P2RY6: variants seen among roughly 807,000 people sequenced by gnomAD.
The protein encoded by P2RY6 is P2Y purinoceptor 6.
P2RY6 carries 19 observed loss-of-function variants against 16.3 expected under a neutral mutation model. The ratio of observed to expected loss-of-function variants is 1.16; its 90% CI spans 0.81 to 1.71. The LOEUF (loss-of-function observed/expected upper bound fraction) is 1.71. P2RY6 is among the 40% of genes most tolerant of loss of function. The pLI is 0.00. For missense variants in P2RY6, 389 were observed against 455.5 expected, an observed-to-expected ratio of 0.85 and a Z score of 1.33; for synonymous variants, 184 against 201.5, an observed-to-expected ratio of 0.91 and a Z score of 0.74.
intron 1 of P2RY6, among the ~76,000 whole-genome samples, chr11:73,294,197 T>C (rs1238915210): frequency 1.3e-5 from 2 of 152,130 alleles, no homozygotes; most frequent in Non-Finnish European, 2.9e-5. Context: ...CTCATGGAAA[T>C]CCTCCTCAAC....
intron 1 of P2RY6, among the ~76,000 whole-genome samples, chr11:73,281,618 C>T (rs775699283): frequency 6.6e-6 from 1 of 152,242 alleles, no homozygotes; most frequent in Non-Finnish European, 1.5e-5. Flanking sequence ...GCCATTAGAA[C>T]TCCACCCCTC....
At chr11:73,272,533 A>G in intron 1 of P2RY6, 67 bp downstream of exon 1, 1 of 984,774 alleles carries the variant, frequency 1.0e-6, no homozygotes. Context: ...CTTCCTGAGT[A>G]ACTGCAGTCC....
rs543269630 is a variant in P2RY6 at position 73,287,819 on chromosome 11, C to A, written c.-120-7911C>A. Among the ~76,000 whole-genome samples, 31 of 152,312 alleles carry A rather than the reference C, an allele frequency of 2.0e-4. No individual in the cohort carries two copies. The East Asian group carries it at 4.4e-3, about 22-fold the overall frequency. On this transcript the variant is annotated intron_variant, in intron 1 of 2. Transcript: ENST00000540124. ...CTCCAGGGGAGAGTTTTTTAGGAGGCCCTGGGGATCTCCTGGAGCACTGGG... is the reference window on the plus strand; with the variant it reads ...CTCCAGGGGAGAGTTTTTTAGGAGGACCTGGGGATCTCCTGGAGCACTGGG...
intron 1 of P2RY6, among the ~76,000 whole-genome samples, chr11:73,267,028 AT>A (rs1863128658): frequency 6.6e-6 from 1 of 152,182 alleles, no homozygotes; most frequent in African/African-American, 2.4e-5. Flanking sequence ...TCTGGCTATA[AT>A]TGTTTATAAT....
chr11:73,290,152 G>A (rs931589016), intron 1 of P2RY6, among the ~76,000 whole-genome samples: 4 of 151,914 alleles, frequency 2.6e-5, no homozygotes, highest in African/African-American at 9.7e-5. Flanking sequence ...AACCTGGGAG[G>A]CGGAAGTTGC....
intron 1 of P2RY6, among the ~76,000 whole-genome samples, chr11:73,281,033 G>T (rs1177330363): frequency 6.6e-6 from 1 of 152,152 alleles, no homozygotes; most frequent in Non-Finnish European, 1.5e-5. Context: ...TGGGGTGAGA[G>T]AAGAGGAGTT....
chr11:73,290,299 AAAGAAAAGAAAGAAAGAAAG>A lies in P2RY6; in HGVS notation c.-120-5428_-120-5409del, dbSNP rs1390880236. ...AAAGGAAGGAAAGAAAGAAAGAAAG[AAAGAAAAGAAAGAAAGAAAG>A]AAAGAAAGAAAGAAAGAAAGAAAGA... is the stretch of plus-strand genomic sequence containing the variant. On this transcript the variant is annotated intron_variant, in intron 1 of 2. Coordinates refer to ENST00000540124, the MANE Select transcript of P2RY6 (RefSeq NM_001277204.2). 1.8e-3 allele frequency among the ~76,000 whole-genome samples: 199 copies of A among 112,852 alleles called. 4 individuals carry two copies. Among genetic ancestry groups the A allele is most frequent in the African/African-American group, 7.0e-3 (188 of 26,866 alleles). 74.0% of individuals were successfully genotyped at this position (112,852 alleles called of 152,430 possible).
rs141670218 is a variant in P2RY6 at position 73,296,525 on chromosome 11, T to G, written c.7T>G (p.Trp3Gly). 9 of 1,612,920 alleles carry G rather than the reference T, an allele frequency of 5.6e-6. 1 individual carries two copies. The highest frequency in any genetic ancestry group is 7.6e-6 in the Non-Finnish European group (9 of 1,179,114). Residue 3 changes from tryptophan to glycine, a missense_variant, in exon 3 of 3, where the codon TGG (tryptophan) becomes GGG (glycine). Physicochemically the swap from Trp to Gly is radical, Grantham distance 184. Transcript: ENST00000540124. ME[W>G]DNGTGQALGL... ...GAAACCCACCTGGGCAGCCATGGAA[T>G]GGGACAATGGCACAGGCCAGGCTCT...
At chr11:73,270,862 G>T (rs1025048263), upstream of P2RY6, among the ~76,000 whole-genome samples, 1 of 152,078 alleles carries the variant, frequency 6.6e-6, no homozygotes, top group African/African-American at 2.4e-5. Flanking sequence ...GGGTGATCTG[G>T]CAAATCTAGA....
At chr11:73,290,113 T>C (rs527858864) in intron 1 of P2RY6, among the ~76,000 whole-genome samples, 133 of 151,944 alleles carry the variant, frequency 8.8e-4, no homozygotes, top group Admixed American at 1.6e-3. Context: ...TCCCAGTTAC[T>C]TGGGAGGCTG....
intron 1 of P2RY6, among the ~76,000 whole-genome samples, chr11:73,290,354 A>AGAAAGAAAGAAAGAAAGAAG (rs1864184693): frequency 1.1e-4 from 14 of 121,968 alleles, no homozygotes; most frequent in African/African-American, 4.1e-4. Context: ...AAAGAAAGAA[A>AGAAAGAAAGAAAGAAAGAAG]GAAAGAAAGA....
chr11:73,292,462 T>C (rs1398955443), intron 1 of P2RY6, among the ~76,000 whole-genome samples: 4 of 152,162 alleles, frequency 2.6e-5, no homozygotes, highest in South Asian at 2.1e-4. Flanking sequence ...CTGAGTGTTA[T>C]AGCTAAAGGA....
upstream of P2RY6, chr11:73,271,672 G>A (rs1159164667): frequency 6.6e-6 from 1 of 152,168 alleles, no homozygotes; most frequent in Non-Finnish European, 1.5e-5. Context: ...CCTGGTTTCG[G>A]GTCTGGTTCC....
At chr11:73,269,718 C>T (rs1189621174), upstream of P2RY6, among the ~76,000 whole-genome samples, 7 of 152,232 alleles carry the variant, frequency 4.6e-5, no homozygotes, top group Admixed American at 4.6e-4. Context: ...GACAAGCCCC[C>T]AGGCAGACAC....
In P2RY6 at chr11:73,296,576, T is replaced by C; in HGVS notation, c.58T>C (p.Tyr20His). Residue 20 changes from tyrosine (Y) to histidine (H), a missense_variant, in exon 3 of 3, where the codon TAC (tyrosine) becomes CAC (histidine). Transcript: ENST00000540124. ...GGGCTTGCCACCCACCACCTGTGTCTACCGCGAGAACTTCAAGCAACTGCT... is the reference window on the plus strand; with the variant it reads ...GGGCTTGCCACCCACCACCTGTGTCCACCGCGAGAACTTCAAGCAACTGCT... ...ALGLPPTTCV[Y>H]RENFKQLLLP... 2 of 1,614,224 alleles carry C rather than the reference T, an allele frequency of 1.2e-6. No homozygotes were observed. Among genetic ancestry groups the C allele is most frequent in the Non-Finnish European group, 8.5e-7 (1 of 1,180,032 alleles).
chr11:73,278,453 C>T (rs924633547), intron 1 of P2RY6, among the ~76,000 whole-genome samples: 10 of 152,212 alleles, frequency 6.6e-5, no homozygotes, highest in African/African-American at 2.2e-4. Flanking sequence ...CATGAGCCAC[C>T]GTGCCCAGCC....
chr11:73,281,367 G>A (rs796348782), intron 1 of P2RY6, among the ~76,000 whole-genome samples: 16 of 152,344 alleles, frequency 1.1e-4, no homozygotes, highest in African/African-American at 3.6e-4. Flanking sequence ...GAAAGCCAGT[G>A]GGGCACAGAC....
chr11:73,285,925 G>T (rs1442940802), intron 1 of P2RY6, among the ~76,000 whole-genome samples: 1 of 152,248 alleles, frequency 6.6e-6, no homozygotes, highest in Non-Finnish European at 1.5e-5. Context: ...CCAGAGGCAA[G>T]CTGGACTGGT....
intron 1 of P2RY6, among the ~76,000 whole-genome samples, chr11:73,280,589 G>C (rs1863718122): frequency 1.3e-5 from 2 of 152,162 alleles, no homozygotes; most frequent in Admixed American, 1.3e-4. Context: ...TGACTCTGGG[G>C]CTTTGGGTTA....
Sources: allele counts gnomAD v4.1 joint callset (sites outside exome capture counted in the v4.1 genomes callset), GRCh38; gene constraint gnomAD v4.1.1; transcripts MANE v1.5; gene names NCBI Gene and HGNC (gene_info 2026-07-23, HGNC 2026-07-21).